CDH17: variants seen among roughly 807,000 people sequenced by gnomAD.
CDH17 encodes cadherin-17.
CDH17 carries 67 observed loss-of-function variants against 86.3 expected under a neutral mutation model. The ratio of observed to expected loss-of-function variants is 0.78; its 90% CI spans 0.64 to 0.95. The LOEUF (loss-of-function observed/expected upper bound fraction) is 0.95. Ranked by LOEUF, CDH17 falls within the 40% of genes least tolerant of loss-of-function variation. CDH17 has a pLI of 0.00. For synonymous variants in CDH17, 367 were observed against 366.4 expected (o/e 1.00, Z -0.02); for missense variants, 993 against 1,017.6 (o/e 0.98, Z 0.33).
intron 12 of CDH17, among the ~76,000 whole-genome samples, chr8:94,158,447 TATG>T (rs1563573284): frequency 3.3e-5 from 5 of 151,836 alleles, no homozygotes; most frequent in African/African-American, 1.2e-4. Flanking sequence ...TTCAAAAAAA[TATG>T]ACATACGGGC....
chr8:94,187,445 A>ATAG (rs1813603902), intron 3 of CDH17, among the ~76,000 whole-genome samples: 1 of 152,224 alleles, frequency 6.6e-6, no homozygotes, highest in Admixed American at 6.5e-5. Flanking sequence ...GCTGGTATAT[A>ATAG]TAGTAGTCAC....
chr8:94,174,048 C>A (rs763789394), intron 6 of CDH17, 52 bp from the exon 7 acceptor site: 64 of 1,607,282 alleles, frequency 4.0e-5, no homozygotes, highest in Non-Finnish European at 5.3e-5. Flanking sequence ...AAGAGACAGA[C>A]CAAACTCCCT....
At position 94,128,028 on chromosome 8, in the gene CDH17, G is replaced by A; in HGVS notation, c.*212C>T. On this transcript the variant is annotated 3_prime_UTR_variant, in exon 18 of 18. Coordinates refer to ENST00000027335, the MANE Select transcript of CDH17 (RefSeq NM_004063.4). ...GAATCATGTGAACCCAGGAGGCGGA[G>A]GTTGCAGTGAGCTGGGATCACACCA... 4 of 441,914 alleles carry A rather than the reference G, an allele frequency of 9.1e-6. No homozygotes were observed. Among genetic ancestry groups the A allele is most frequent in the Non-Finnish European group, 1.6e-5 (4 of 248,420 alleles). The allele number at this position is 441,914 out of a possible 1,614,324, so 27.4% of individuals were successfully genotyped here. A position where few individuals can be genotyped will look rare whatever the true frequency, so the allele number is the denominator to read the frequency against.
rs1432418370 is a variant in CDH17, at chr8:94,127,184, A to C, written c.*1056T>G. On this transcript the variant is annotated 3_prime_UTR_variant, in exon 18 of 18. Transcript: ENST00000027335. ...GGATCAACAAACAAAACTGACTACA[A>C]CCAGTGTTTATTCTTGATTTGTCAC... 2.0e-5 allele frequency: 3 copies of C among 152,298 alleles called. No individual in the cohort carries two copies. Among genetic ancestry groups the C allele is most frequent in the African/African-American group, 7.2e-5 (3 of 41,562 alleles). 9.4% of individuals were successfully genotyped at this position (152,298 alleles called of 1,614,324 possible). A position where few individuals can be genotyped will look rare whatever the true frequency, so the allele number is the denominator to read the frequency against.
intron 15 of CDH17, among the ~76,000 whole-genome samples, chr8:94,133,989 A>C (rs1252709102): frequency 6.6e-6 from 1 of 152,230 alleles, no homozygotes; most frequent in African/African-American, 2.4e-5. Flanking sequence ...CCAGCCTTGC[A>C]TCCCAGGGAT....
At chr8:94,177,455 C>G in intron 4 of CDH17, 132 bp downstream of exon 4, 1 of 909,520 alleles carries the variant, frequency 1.1e-6, no homozygotes, top group Non-Finnish European at 1.7e-6. Flanking sequence ...GTGAGGATTG[C>G]AAAGCGTCCC....
chr8:94,195,191 C>T (rs1813759244), intron 1 of CDH17, among the ~76,000 whole-genome samples: 1 of 152,142 alleles, frequency 6.6e-6, no homozygotes, highest in Admixed American at 6.5e-5. Flanking sequence ...TTAGTAGAGA[C>T]AGGATTTCAC....
At chr8:94,135,236 T>C (rs1166667594) in intron 15 of CDH17, among the ~76,000 whole-genome samples, 1 of 152,222 alleles carries the variant, frequency 6.6e-6, no homozygotes, top group Admixed American at 6.5e-5. Context: ...GTCTCATTGA[T>C]ATGTCTAATA....
At chr8:94,166,055 C>T in intron 9 of CDH17, 79 bp from the exon 10 acceptor site, 2 of 841,448 alleles carry the variant, frequency 2.4e-6, no homozygotes, top group Admixed American at 2.4e-5. Context: ...AAAATAAGCA[C>T]ATTCCTAGAA....
chr8:94,163,465 C>A (rs996461574), intron 10 of CDH17, among the ~76,000 whole-genome samples: 4 of 152,150 alleles, frequency 2.6e-5, no homozygotes, highest in Non-Finnish European at 5.9e-5. Context: ...GGTGTCACGC[C>A]CCCGTTGCCA....
At chr8:94,177,538 G>A (rs1246213075) in intron 4 of CDH17, 49 bp downstream of exon 4, 2 of 1,601,256 alleles carry the variant, frequency 1.2e-6, no homozygotes, top group Non-Finnish European at 8.5e-7. Context: ...CAGAACAAAG[G>A]GTGCTCAGAG....
chr8:94,136,086 A>G (rs1422042623), intron 15 of CDH17, among the ~76,000 whole-genome samples: 2 of 151,884 alleles, frequency 1.3e-5, no homozygotes, highest in African/African-American at 4.8e-5. Context: ...TGCCCTTAAC[A>G]TTTTTCCCTT....
intron 15 of CDH17, among the ~76,000 whole-genome samples, chr8:94,138,016 A>C (rs1193631521): frequency 6.6e-6 from 1 of 152,176 alleles, no homozygotes; most frequent in East Asian, 1.9e-4. Flanking sequence ...AATCCCTCTG[A>C]GTCCAGAAAT....
At chr8:94,144,018 A>T (rs2446807) in intron 15 of CDH17, among the ~76,000 whole-genome samples, 276 of 152,320 alleles carry the variant, frequency 1.8e-3, no homozygotes, top group African/African-American at 6.5e-3. Flanking sequence ...TTTTTGGCCA[A>T]TCTTGGCTAT....
At chr8:94,186,125 C>T (rs1192832146) in intron 3 of CDH17, among the ~76,000 whole-genome samples, 1 of 152,148 alleles carries the variant, frequency 6.6e-6, no homozygotes, top group Non-Finnish European at 1.5e-5. Flanking sequence ...AAGGAAGTCT[C>T]CCCAATCTGT....
At chr8:94,174,904 TTGA>T (rs1813342602) in intron 5 of CDH17, among the ~76,000 whole-genome samples, 1 of 152,206 alleles carries the variant, frequency 6.6e-6, no homozygotes, top group Admixed American at 6.5e-5. Context: ...TTAAAACATG[TTGA>T]TTAGTGTTAT....
intron 10 of CDH17, among the ~76,000 whole-genome samples, chr8:94,164,472 C>T (rs1306122843): frequency 6.6e-5 from 10 of 152,128 alleles, no homozygotes; most frequent in East Asian, 3.8e-4. Context: ...ATTGTTAGCT[C>T]GTCATGAATA....
At chr8:94,128,908 C>T (rs766733725) in intron 17 of CDH17, among the ~76,000 whole-genome samples, 6 of 152,148 alleles carry the variant, frequency 3.9e-5, no homozygotes, top group Admixed American at 6.5e-5. Context: ...TGGTTTCTCC[C>T]ACCTGATACA....
At chr8:94,175,951 T>C (rs1196262613) in intron 5 of CDH17, among the ~76,000 whole-genome samples, 2 of 152,130 alleles carry the variant, frequency 1.3e-5, no homozygotes, top group South Asian at 2.1e-4. Flanking sequence ...TGCAATAGTG[T>C]GATCACAACT....
Sources: allele counts gnomAD v4.1 joint callset (sites outside exome capture counted in the v4.1 genomes callset), GRCh38; gene constraint gnomAD v4.1.1; transcripts MANE v1.5; gene names NCBI Gene and HGNC (gene_info 2026-07-23, HGNC 2026-07-21).